Variants in CCDC192 observed in about 807,000 individuals in gnomAD.
CCDC192 encodes coiled-coil domain containing 192, also known as coiled-coil domain-containing protein 192.
chr5:127,813,040 C>T (rs1235887937), intron 5 of CCDC192, among the ~76,000 whole-genome samples: 1 of 152,134 alleles, frequency 6.6e-6, no homozygotes, highest in Non-Finnish European at 1.5e-5. Context: ...CTGATTTTAC[C>T]GTTTCTTTGA....
intron 3 of CCDC192, among the ~76,000 whole-genome samples, chr5:127,776,768 G>A (rs1755887352): frequency 6.6e-6 from 1 of 152,190 alleles, no homozygotes; most frequent in Admixed American, 6.5e-5. Context: ...GCTAAAAGGG[G>A]CCAAGGTACA....
intron 5 of CCDC192, among the ~76,000 whole-genome samples, chr5:127,813,379 A>T (rs1266892950): frequency 6.6e-6 from 1 of 152,230 alleles, no homozygotes; most frequent in South Asian, 2.1e-4. Flanking sequence ...AAAATCATTG[A>T]GGATATCAAT....
intron 6 of CCDC192, among the ~76,000 whole-genome samples, chr5:127,887,709 T>G (rs1752609110): frequency 1.3e-5 from 2 of 151,370 alleles, no homozygotes; most frequent in African/African-American, 4.8e-5. Context: ...ATTAACTATT[T>G]TTTTTTTTTT....
chr5:127,821,279 A>G (rs1378960979), intron 5 of CCDC192, among the ~76,000 whole-genome samples: 1 of 152,216 alleles, frequency 6.6e-6, no homozygotes, highest in Non-Finnish European at 1.5e-5. Flanking sequence ...GGCTTTCACA[A>G]ATCTAAATGA....
chr5:127,750,024 C>T (rs1754042635), intron 2 of CCDC192, among the ~76,000 whole-genome samples: 1 of 151,712 alleles, frequency 6.6e-6, no homozygotes, highest in South Asian at 2.1e-4. Context: ...ATTAGTCTTG[C>T]TAGCGGTCTA....
chr5:127,848,088 TA>T, intron 5 of CCDC192, among the ~76,000 whole-genome samples: 1 of 152,064 alleles, frequency 6.6e-6, no homozygotes, highest in South Asian at 2.1e-4. Context: ...ATTTTTTTTT[TA>T]ATCTCTATGT....
At chr5:127,918,216 T>TAAAAAAAAAAAAAAAAAAAAAAAAAAA (rs1219307107) in intron 6 of CCDC192, among the ~76,000 whole-genome samples, 17 of 100,396 alleles carry the variant, frequency 1.7e-4, no homozygotes, top group African/African-American at 5.4e-4. Flanking sequence ...CTTCAATTTG[T>TAAAAAAAAAAAAAAAAAAAAAAAAAAA]AAAAAAAAAA....
At chr5:127,895,889 A>T (rs1752866523) in intron 6 of CCDC192, among the ~76,000 whole-genome samples, 1 of 151,958 alleles carries the variant, frequency 6.6e-6, no homozygotes, top group Admixed American at 6.6e-5. Flanking sequence ...ACTGATTATC[A>T]GTGGCTGCTT....
At chr5:127,782,871 G>T (rs769453943) in intron 3 of CCDC192, among the ~76,000 whole-genome samples, 1 of 151,618 alleles carries the variant, frequency 6.6e-6, no homozygotes, top group Non-Finnish European at 1.5e-5. Context: ...ATTTGTTCTT[G>T]TTCCACTAGT....
chr5:127,898,233 C>T (rs1366053445), intron 6 of CCDC192, among the ~76,000 whole-genome samples: 2 of 151,926 alleles, frequency 1.3e-5, no homozygotes, highest in Admixed American at 1.3e-4. Context: ...CTAGGCCCCT[C>T]GAGTAGCTGG....
intron 6 of CCDC192, among the ~76,000 whole-genome samples, chr5:127,925,179 A>G (rs1753829864): frequency 6.6e-6 from 1 of 152,228 alleles, no homozygotes; most frequent in African/African-American, 2.4e-5. Context: ...AATGTTCTCA[A>G]GGAATATAAC....
At chr5:127,707,653 C>T (rs543733124) in intron 1 of CCDC192, 56 bp from the exon 2 acceptor site, 8 of 396,322 alleles carry the variant, frequency 2.0e-5, no homozygotes, top group Middle Eastern at 1.3e-3. Flanking sequence ...GGTGTGTGTG[C>T]GCACATGAGA....
chr5:127,898,658 C>A (rs1446682348), intron 6 of CCDC192, among the ~76,000 whole-genome samples: 1 of 152,010 alleles, frequency 6.6e-6, no homozygotes, highest in Non-Finnish European at 1.5e-5. Context: ...TTTTTGACTC[C>A]ATGAAATGCT....
At chr5:127,890,453 TA>T (rs35655743) in intron 6 of CCDC192, among the ~76,000 whole-genome samples, 1,918 of 135,824 alleles carry the variant, frequency 0.014, 16 homozygotes, top group African/African-American at 0.03. Flanking sequence ...ACCCTGTATT[TA>T]AAAAAAAAAA....
At chr5:127,721,176 T>G (rs1752001432) in intron 2 of CCDC192, among the ~76,000 whole-genome samples, 1 of 152,214 alleles carries the variant, frequency 6.6e-6, no homozygotes, top group Non-Finnish European at 1.5e-5. Flanking sequence ...ACACTCTGCT[T>G]CCCTTTTAGA....
At chr5:127,910,032 A>G (rs1753303875) in intron 6 of CCDC192, among the ~76,000 whole-genome samples, 1 of 152,218 alleles carries the variant, frequency 6.6e-6, no homozygotes. Context: ...AAAAAGGCTT[A>G]TGTTAAACTT....
upstream of CCDC192, among the ~76,000 whole-genome samples, chr5:127,702,567 T>C (rs1472007339): frequency 2.0e-5 from 3 of 152,260 alleles, no homozygotes. Flanking sequence ...ACTTGCTCTA[T>C]AATGCTCTAA....
chr5:127,861,420 C>T (rs1015860843), intron 5 of CCDC192, among the ~76,000 whole-genome samples: 2 of 150,960 alleles, frequency 1.3e-5, no homozygotes, highest in East Asian at 2.0e-4. Context: ...TTTTGGAGGC[C>T]GAGGTGGGCA....
intron 4 of CCDC192, among the ~76,000 whole-genome samples, chr5:127,797,869 A>T (rs1757269535): frequency 6.7e-6 from 1 of 150,042 alleles, no homozygotes; most frequent in Non-Finnish European, 1.5e-5. Context: ...ACATTATCTT[A>T]CTCAGGCATA....
Sources: allele counts gnomAD v4.1 joint callset (sites outside exome capture counted in the v4.1 genomes callset), GRCh38; gene constraint gnomAD v4.1.1; transcripts MANE v1.5; gene names NCBI Gene and HGNC (gene_info 2026-07-23, HGNC 2026-07-21).